The following GRIA1 variants were observed in gnomAD, a reference collection of about 807,000 sequenced individuals.
GRIA1 encodes glutamate receptor 1.
A neutral mutation model predicts 99.2 loss-of-function variants in GRIA1; 31 were observed. The ratio of observed to expected loss-of-function variants is 0.31; its 90% CI spans 0.23 to 0.42. The LOEUF (loss-of-function observed/expected upper bound fraction) is 0.42, where lower values mean the gene tolerates loss of function less well. Ranked by LOEUF, GRIA1 falls within the 10% of genes least tolerant of loss-of-function variation. GRIA1 has a pLI of 1.00. For missense variants in GRIA1, 782 were observed against 1,157.5 expected (o/e 0.68, Z 4.71); for synonymous variants, 438 against 432.4 (o/e 1.01, Z -0.16).
intron 10 of GRIA1, among the ~76,000 whole-genome samples, chr5:153,702,838 A>G (rs960956826): frequency 6.6e-6 from 1 of 152,244 alleles, no homozygotes; most frequent in African/African-American, 2.4e-5. Flanking sequence ...ACTCTCATGT[A>G]TTTTGAATTA....
At chr5:153,496,868 G>A (rs1328779707) in intron 2 of GRIA1, among the ~76,000 whole-genome samples, 1 of 152,016 alleles carries the variant, frequency 6.6e-6, no homozygotes, top group Admixed American at 6.6e-5. Context: ...TCTAGAAAAT[G>A]ACCAAATTTT....
At chr5:153,668,556 G>A (rs763730852) in intron 5 of GRIA1, among the ~76,000 whole-genome samples, 1 of 152,030 alleles carries the variant, frequency 6.6e-6, no homozygotes, top group Non-Finnish European at 1.5e-5. Context: ...TCTATATATG[G>A]CTACTTTCAT....
chr5:153,631,998 TAGAC>T (rs972442007), intron 2 of GRIA1, among the ~76,000 whole-genome samples: 1 of 152,146 alleles, frequency 6.6e-6, no homozygotes, highest in Non-Finnish European at 1.5e-5. Context: ...CAACAGCGCT[TAGAC>T]AGTGCAGATT....
At chr5:153,541,670 G>A (rs1449306517) in intron 2 of GRIA1, among the ~76,000 whole-genome samples, 5 of 152,182 alleles carry the variant, frequency 3.3e-5, no homozygotes, top group East Asian at 3.9e-4. Context: ...TGTGGCTCAC[G>A]CCTGTAATCC....
Position 153,578,309 on chromosome 5 carries a change from A to G in GRIA1, c.221-68619A>G, listed in dbSNP as rs569207962. ...GTCAGTGAATGCCCTTACTGAGTAA[A>G]AGTGACATTTAAGCCTAGATTTCAA... On this transcript the variant is annotated intron_variant, in intron 2 of 15. Transcript: ENST00000285900. Among the ~76,000 whole-genome samples, 41 of 152,294 alleles carry G rather than the reference A, an allele frequency of 2.7e-4. No individual in the cohort carries two copies. The East Asian group carries it at 3.7e-3, about 14-fold the overall frequency.
chr5:153,620,287 T>C (rs1296221956), intron 2 of GRIA1, among the ~76,000 whole-genome samples: 7 of 106,756 alleles, frequency 6.6e-5, no homozygotes, highest in Non-Finnish European at 1.6e-4. Flanking sequence ...GGGATAGACT[T>C]TTTTTTTTTT....
upstream of GRIA1, chr5:153,489,844 A>G (rs1282530717): frequency 6.6e-6 from 3 of 456,516 alleles, no homozygotes; most frequent in African/African-American, 6.0e-5. Flanking sequence ...CTGTGTAAGT[A>G]TCCTTAGTCT....
chr5:153,626,530 C>T (rs1767643035), intron 2 of GRIA1, among the ~76,000 whole-genome samples: 1 of 150,930 alleles, frequency 6.6e-6, no homozygotes, highest in South Asian at 2.1e-4. Context: ...CAATTCTCAT[C>T]AGCATTTGAG....
At chr5:153,786,287 G>A (rs575780472) in intron 13 of GRIA1, among the ~76,000 whole-genome samples, 58 of 151,840 alleles carry the variant, frequency 3.8e-4, no homozygotes, top group African/African-American at 1.2e-3. Flanking sequence ...TCATCTCCCC[G>A]AAGGTCCCCT....
At chr5:153,499,466 T>G (rs1754754481) in intron 2 of GRIA1, among the ~76,000 whole-genome samples, 1 of 151,522 alleles carries the variant, frequency 6.6e-6, no homozygotes, top group Non-Finnish European at 1.5e-5. Flanking sequence ...ATACAAAAAC[T>G]TAGCTGGGCG....
In GRIA1 at chr5:153,773,002, G is replaced by A. The variant is rs17524506; in HGVS notation, c.2270+2587G>A. ...TTCCTGGAACAAGGTAACAACTCAG[G>A]AAATACTGTATATTTCCTGATACTG... On this transcript the variant is annotated intron_variant, in intron 13 of 15. Coordinates refer to ENST00000285900, the MANE Select transcript of GRIA1 (RefSeq NM_000827.4). 3.6e-3 allele frequency among the ~76,000 whole-genome samples: 542 copies of A among 152,152 alleles called. 3 individuals are homozygous for A. Among genetic ancestry groups the A allele is most frequent in the Middle Eastern group, 0.017 (5 of 294 alleles).
intron 8 of GRIA1, among the ~76,000 whole-genome samples, chr5:153,695,138 T>C (rs952982764): frequency 2.6e-5 from 4 of 152,232 alleles, no homozygotes; most frequent in Non-Finnish European, 5.9e-5. Flanking sequence ...CTATATAACC[T>C]ATTGTTTTGT....
intron 11 of GRIA1, among the ~76,000 whole-genome samples, chr5:153,716,063 C>A (rs1466555929): frequency 6.6e-6 from 1 of 152,236 alleles, no homozygotes; most frequent in Non-Finnish European, 1.5e-5. Flanking sequence ...AGCTACCCCA[C>A]TATTCAGGAA....
At chr5:153,583,367 T>C (rs1196578128) in intron 2 of GRIA1, among the ~76,000 whole-genome samples, 1 of 152,172 alleles carries the variant, frequency 6.6e-6, no homozygotes. Flanking sequence ...ATGAAAGTGT[T>C]GCTAGGGCTG....
At chr5:153,503,979 G>C (rs1755248261) in intron 2 of GRIA1, among the ~76,000 whole-genome samples, 1 of 152,152 alleles carries the variant, frequency 6.6e-6, no homozygotes, top group South Asian at 2.1e-4. Flanking sequence ...CCCAGCACTG[G>C]CAGCCTTCAC....
chr5:153,685,351 A>G (rs1440983797), intron 7 of GRIA1, among the ~76,000 whole-genome samples: 4 of 152,224 alleles, frequency 2.6e-5, no homozygotes, highest in Non-Finnish European at 4.4e-5. Context: ...TTGGATCTCC[A>G]TGGTCACCAT....
intron 15 of GRIA1, among the ~76,000 whole-genome samples, chr5:153,803,885 A>G (rs143011444): frequency 6.6e-6 from 1 of 152,224 alleles, no homozygotes; most frequent in Non-Finnish European, 1.5e-5. Flanking sequence ...TGGAGAAGAT[A>G]TCTCTGAACA....
intron 2 of GRIA1, among the ~76,000 whole-genome samples, chr5:153,633,649 G>A (rs879216502): frequency 6.6e-6 from 1 of 152,154 alleles, no homozygotes; most frequent in Non-Finnish European, 1.5e-5. Context: ...AGAAGAAAAT[G>A]TATAAGTTAG....
At chr5:153,768,820 A>G (rs941349557) in intron 12 of GRIA1, among the ~76,000 whole-genome samples, 1 of 152,230 alleles carries the variant, frequency 6.6e-6, no homozygotes, top group Non-Finnish European at 1.5e-5. Context: ...AGCAACAACT[A>G]TTTTTAAAAA....
Sources: gnomAD v4.1 joint callset for allele counts (sites outside exome capture counted in the v4.1 genomes callset) on GRCh38, gnomAD v4.1.1 for gene constraint, MANE v1.5 for transcripts, NCBI Gene and HGNC (gene_info 2026-07-23, HGNC 2026-07-21) for gene names.